FRMD4A: variants seen among roughly 807,000 people sequenced by gnomAD.
FRMD4A encodes the protein FERM domain-containing protein 4A.
In FRMD4A, 29 loss-of-function variants were observed where a neutral mutation model predicts 129.1. The observed-to-expected ratio is 0.22, with a 90% CI of 0.17 to 0.31. FRMD4A has a LOEUF of 0.31. Among genes scored for constraint, FRMD4A ranks in the 10% least tolerant of loss-of-function variants. FRMD4A has a pLI of 1.00. For missense variants in FRMD4A, 1,272 were observed against 1,375.8 expected (o/e 0.92, Z 1.19); for synonymous variants, 634 against 571.6 (o/e 1.11, Z -1.56).
intron 3 of FRMD4A, among the ~76,000 whole-genome samples, chr10:13,814,352 AGGCTGAGGCAGGAG>A (rs1001867756): frequency 1.7e-3 from 260 of 151,766 alleles, no homozygotes; most frequent in African/African-American, 6.1e-3. Context: ...GCACTTTGGG[AGGCTGAGGCAGGAG>A]GATCCTTTAA....
At chr10:14,119,363 G>A (rs187089871) in intron 2 of FRMD4A, among the ~76,000 whole-genome samples, 5 of 152,306 alleles carry the variant, frequency 3.3e-5, no homozygotes, top group South Asian at 4.1e-4. Context: ...AGCAGGAGAC[G>A]GAATGGTGGG....
chr10:13,804,468 T>C (rs1183766873), intron 4 of FRMD4A, among the ~76,000 whole-genome samples: 1 of 152,128 alleles, frequency 6.6e-6, no homozygotes, highest in African/African-American at 2.4e-5. Flanking sequence ...CTCGCTCCCG[T>C]GCACCAGCCT....
At chr10:13,813,171 G>A (rs900625435) in intron 3 of FRMD4A, among the ~76,000 whole-genome samples, 1 of 152,258 alleles carries the variant, frequency 6.6e-6, no homozygotes, top group Admixed American at 6.5e-5. Context: ...GTGGCCGGGC[G>A]CCATGGCTCA....
At chr10:14,157,448 T>G (rs1179916705) in intron 2 of FRMD4A, among the ~76,000 whole-genome samples, 7 of 152,236 alleles carry the variant, frequency 4.6e-5, no homozygotes, top group Non-Finnish European at 1.0e-4. Flanking sequence ...CAAATATCCC[T>G]TAGTGGCTGT....
intron 2 of FRMD4A, among the ~76,000 whole-genome samples, chr10:13,870,287 A>G (rs543919997): frequency 1.3e-5 from 2 of 152,326 alleles, no homozygotes; most frequent in Admixed American, 1.3e-4. Context: ...CTGTCTGAAC[A>G]TGGATAACAG....
chr10:13,739,806 A>G lies in FRMD4A; in HGVS notation c.672+388T>C, dbSNP rs148287213. On this transcript the variant is annotated intron_variant, in intron 11 of 24. Transcript: ENST00000357447. ...CATTCCCACCAGGAATTATAAAGAA[A>G]AAAACAATGAGGGCCAGGCGCGGTG... Among the ~76,000 whole-genome samples the G allele has an allele frequency of 3.8e-3, 574 of 152,320 alleles. 1 individual carries two copies. Among genetic ancestry groups the G allele is most frequent in the African/African-American group, 0.012 (511 of 41,574 alleles).
At chr10:13,971,308 C>G (rs1383569797) in intron 2 of FRMD4A, among the ~76,000 whole-genome samples, 1 of 152,218 alleles carries the variant, frequency 6.6e-6, no homozygotes, top group Non-Finnish European at 1.5e-5. Context: ...GTTGAAATCA[C>G]CAGGCTCTGT....
In FRMD4A at chr10:13,863,913, T is replaced by G. The variant is rs543822765; in HGVS notation, c.46-5001A>C. ...GTCATAAGACAGCAACTTCAGAACA[T>G]TCTGCTGCCCACACCACACAGGGAC... On this transcript the variant is annotated intron_variant, in intron 2 of 24. Coordinates refer to ENST00000357447, the MANE Select transcript of FRMD4A (RefSeq NM_018027.5). Among the ~76,000 whole-genome samples, 10 of 152,304 alleles carry G rather than the reference T, an allele frequency of 6.6e-5. No homozygotes were observed. The East Asian group carries it at 1.9e-3, about 29-fold the overall frequency.
intron 3 of FRMD4A, among the ~76,000 whole-genome samples, chr10:13,835,466 G>A (rs950162633): frequency 6.6e-6 from 1 of 152,196 alleles, no homozygotes; most frequent in African/African-American, 2.4e-5. Context: ...ACAGCAGGCG[G>A]TGAGTCGCAG....
At chr10:13,772,349 G>C (rs746874217) in intron 6 of FRMD4A, among the ~76,000 whole-genome samples, 3 of 151,674 alleles carry the variant, frequency 2.0e-5, no homozygotes, top group African/African-American at 7.3e-5. Flanking sequence ...AACTACACCA[G>C]ACTCTAAGGT....
At chr10:13,778,623 T>TGTGTGTGTGTGTGTGTG (rs1240640403) in intron 6 of FRMD4A, among the ~76,000 whole-genome samples, 2 of 138,608 alleles carry the variant, frequency 1.4e-5, no homozygotes, top group East Asian at 4.2e-4. Context: ...GTGTGTGTGT[T>TGTGTGTGTGTGTGTGTG]TGTGTGTGTG....
chr10:13,751,253 T>C (rs1036015910), intron 8 of FRMD4A, among the ~76,000 whole-genome samples: 2 of 152,178 alleles, frequency 1.3e-5, no homozygotes, highest in African/African-American at 4.8e-5. Flanking sequence ...ACAGGTTTGA[T>C]TTCCTCACTG....
intron 2 of FRMD4A, among the ~76,000 whole-genome samples, chr10:14,018,455 C>CAAAAAAAAAA (rs71388151): frequency 6.7e-5 from 4 of 59,270 alleles, no homozygotes; most frequent in Admixed American, 2.5e-4. Context: ...GACTCCATCT[C>CAAAAAAAAAA]AAAAAAAAAA....
chr10:13,657,066 G>T lies in FRMD4A; in HGVS notation c.2523C>A (p.Ile841=). 6.3e-7 allele frequency: 1 copy of T among 1,575,922 alleles called. No individual in the cohort carries two copies. The highest frequency in any genetic ancestry group is 8.6e-7 in the Non-Finnish European group (1 of 1,167,480). Residue 841 remains isoleucine, a synonymous_variant, in exon 22 of 25, where the codon ATC becomes ATA. Coordinates refer to ENST00000357447, the MANE Select transcript of FRMD4A (RefSeq NM_018027.5). Reference sequence around the variant, plus strand: ...CCACCACGGGCGTGGCGCCGCCCTCGATGTACAGCGGGTACTCCTTGATGC... The same window carrying T: ...CCACCACGGGCGTGGCGCCGCCCTCTATGTACAGCGGGTACTCCTTGATGC... ...QYRIKEYPLY[I]EGGATPVVVR...
chr10:14,313,320 G>A (rs571080293), intron 2 of FRMD4A, among the ~76,000 whole-genome samples: 21 of 152,230 alleles, frequency 1.4e-4, no homozygotes, highest in East Asian at 9.6e-4. Flanking sequence ...CTATGATTGC[G>A]CCTCTGCAAT....
intron 2 of FRMD4A, among the ~76,000 whole-genome samples, chr10:14,279,182 ATTTTTT>A (rs1223887250): frequency 1.0e-4 from 10 of 99,620 alleles, no homozygotes; most frequent in Admixed American, 4.8e-4. Flanking sequence ...AGGAAGCGGG[ATTTTTT>A]TTTTTTTTTT....
At chr10:13,732,497 C>G (rs1054606544) in intron 12 of FRMD4A, among the ~76,000 whole-genome samples, 3 of 152,188 alleles carry the variant, frequency 2.0e-5, no homozygotes, top group Admixed American at 1.3e-4. Flanking sequence ...CCTGCCACTG[C>G]CTCTACTTAA....
chr10:13,825,408 C>A (rs186894371), intron 3 of FRMD4A, among the ~76,000 whole-genome samples: 2 of 152,142 alleles, frequency 1.3e-5, no homozygotes, highest in Non-Finnish European at 2.9e-5. Context: ...AGTGGGCAAG[C>A]GAGCATTACC....
At chr10:14,223,049 T>G (rs1012310000) in intron 2 of FRMD4A, among the ~76,000 whole-genome samples, 1 of 152,196 alleles carries the variant, frequency 6.6e-6, no homozygotes, top group African/African-American at 2.4e-5. Flanking sequence ...ATTGCACCAC[T>G]GCACTCCAGC....
Sources: gnomAD v4.1 joint callset for allele counts (sites outside exome capture counted in the v4.1 genomes callset) on GRCh38, gnomAD v4.1.1 for gene constraint, MANE v1.5 for transcripts, NCBI Gene and HGNC (gene_info 2026-07-23, HGNC 2026-07-21) for gene names.